The following ANTXR1 variants were observed in gnomAD, a reference collection of about 807,000 sequenced individuals.
The protein encoded by ANTXR1 is ANTXR cell adhesion molecule 1.
In ANTXR1, 19 loss-of-function variants were observed where a neutral mutation model predicts 78.1. That is an observed-to-expected ratio of 0.24 (90% CI 0.17 to 0.36). ANTXR1 has a LOEUF of 0.36. Ranked by LOEUF, ANTXR1 falls within the 10% of genes least tolerant of loss-of-function variation. The probability of loss-of-function intolerance (pLI) is 1.00; values close to 1 mark genes in which losing one functional copy is unlikely to be tolerated. For missense variants in ANTXR1, 518 were observed against 718.6 expected, an observed-to-expected ratio of 0.72 and a Z score of 3.19; for synonymous variants, 273 against 260.5, an observed-to-expected ratio of 1.05 and a Z score of -0.46.
At chr2:69,088,824 C>T (rs1671136951) in intron 8 of ANTXR1, among the ~76,000 whole-genome samples, 2 of 152,212 alleles carry the variant, frequency 1.3e-5, no homozygotes, top group Admixed American at 1.3e-4. Context: ...CCTTGGGGTC[C>T]TTGTTCCCAA....
In ANTXR1 at chr2:69,236,404, A is replaced by G. The variant is rs1390389603; in HGVS notation, c.1435-8821A>G. The stretch of plus-strand genomic sequence containing the variant: ...CACACATTTTAAAAACTTTCATCTC[A>G]CAAATAATAAGACAGTGAACAGGGA... On this transcript the variant is annotated intron_variant, in intron 17 of 17. Coordinates refer to ENST00000303714, the MANE Select transcript of ANTXR1 (RefSeq NM_032208.3). Among the ~76,000 whole-genome samples the G allele has an allele frequency of 3.3e-5, 5 of 152,194 alleles. No individual in the cohort carries two copies. In the East Asian group the frequency reaches 7.7e-4, roughly 23 times the overall value.
At chr2:69,181,194 G>C (rs1223974796) in intron 14 of ANTXR1, among the ~76,000 whole-genome samples, 1 of 152,182 alleles carries the variant, frequency 6.6e-6, no homozygotes, top group Non-Finnish European at 1.5e-5. Context: ...GCAAGTGCAT[G>C]GGGGCTTGGG....
chr2:69,210,310 C>G (rs1347598150), intron 17 of ANTXR1, among the ~76,000 whole-genome samples: 5 of 152,188 alleles, frequency 3.3e-5, no homozygotes, highest in Non-Finnish European at 5.9e-5. Context: ...CTTTGTTTTG[C>G]TTTGTTAATT....
At chr2:69,021,985 G>A (rs150617658) in intron 1 of ANTXR1, among the ~76,000 whole-genome samples, 1 of 152,216 alleles carries the variant, frequency 6.6e-6, no homozygotes, top group African/African-American at 2.4e-5. Context: ...GAAATATTCA[G>A]TGAGGTGGGC....
intron 17 of ANTXR1, among the ~76,000 whole-genome samples, chr2:69,234,094 T>C (rs751264800): frequency 1.3e-5 from 2 of 152,360 alleles, no homozygotes; most frequent in Non-Finnish European, 2.9e-5. Flanking sequence ...TTCTAAGTTA[T>C]TGTTTGGAAG....
In ANTXR1 at chr2:69,065,865, TA is replaced by T. The variant is rs565148637; in HGVS notation, c.297-4780del. Among the ~76,000 whole-genome samples, 679 of 152,366 alleles carry T rather than the reference TA, an allele frequency of 4.5e-3. 6 individuals are homozygous for T. The highest frequency in any genetic ancestry group is 7.2e-3 in the Non-Finnish European group (489 of 68,038). On this transcript the variant is annotated intron_variant, in intron 3 of 17. Coordinates refer to ENST00000303714, the MANE Select transcript of ANTXR1 (RefSeq NM_032208.3). ...TTCTTATAGTCAACAATTGGAGCCA[TA>T]AGGCCATCTGGGAATGTTCCAGGAG...
In ANTXR1 at chr2:69,185,680, C is replaced by T. The variant is rs112965408; in HGVS notation, c.1353+3020C>T. Among the ~76,000 whole-genome samples the T allele has an allele frequency of 8.7e-3, 1,325 of 152,268 alleles. 20 individuals carry two copies. The highest frequency in any genetic ancestry group is 0.041 in the Middle Eastern group (12 of 292). Reference sequence around the variant, plus strand: ...AGGCAAAGAGGCCATGATTGCACTGCGGTGATTTTTCAGGCATCTCAGCAA... The same window carrying T: ...AGGCAAAGAGGCCATGATTGCACTGTGGTGATTTTTCAGGCATCTCAGCAA... On this transcript the variant is annotated intron_variant, in intron 16 of 17. Coordinates refer to ENST00000303714, the MANE Select transcript of ANTXR1 (RefSeq NM_032208.3).
At chr2:69,213,376 A>G (rs1448103767) in intron 17 of ANTXR1, among the ~76,000 whole-genome samples, 1 of 152,190 alleles carries the variant, frequency 6.6e-6, no homozygotes, top group Non-Finnish European at 1.5e-5. Context: ...GAGATGGGAG[A>G]CACAAGAAAC....
rs1297427924 is a variant in ANTXR1 at position 69,146,108 on chromosome 2, G to A, written c.952-6061G>A. 4.1e-6 allele frequency: 4 copies of A among 985,364 alleles called. No homozygotes were observed. The Admixed American group carries it at 2.5e-4, about 61-fold the overall frequency. The allele number at this position is 985,364 out of a possible 1,614,324, so 61.0% of individuals were successfully genotyped here. ...TGACACATGCCCGAATGAAGGAGCGGGGCTGAGCTTGTCCTGCCTTCGTAT... is the reference window on the plus strand; with the variant it reads ...TGACACATGCCCGAATGAAGGAGCGAGGCTGAGCTTGTCCTGCCTTCGTAT... On this transcript the variant is annotated intron_variant, in intron 12 of 17. Coordinates refer to ENST00000303714, the MANE Select transcript of ANTXR1 (RefSeq NM_032208.3).
chr2:69,203,615 C>G (rs1391597517), intron 17 of ANTXR1, among the ~76,000 whole-genome samples: 1 of 152,100 alleles, frequency 6.6e-6, no homozygotes, highest in Non-Finnish European at 1.5e-5. Flanking sequence ...AAAGCAATTG[C>G]TATGGTTGAG....
chr2:69,195,413 G>A (rs1674647106), intron 17 of ANTXR1, among the ~76,000 whole-genome samples: 1 of 152,140 alleles, frequency 6.6e-6, no homozygotes, highest in African/African-American at 2.4e-5. Context: ...GACAGTGGGT[G>A]GTTTGTAGCT....
intron 12 of ANTXR1, among the ~76,000 whole-genome samples, chr2:69,132,238 T>G (rs1023307423): frequency 6.6e-6 from 1 of 152,242 alleles, no homozygotes; most frequent in Non-Finnish European, 1.5e-5. Flanking sequence ...CACAGTCTGC[T>G]TTAGTGAGTA....
chr2:69,076,039 A>G lies in ANTXR1; in HGVS notation c.561+381A>G, dbSNP rs544836466. 2.0e-5 allele frequency among the ~76,000 whole-genome samples: 3 copies of G among 152,258 alleles called. No homozygotes were observed. In the South Asian group the frequency reaches 6.2e-4, roughly 32 times the overall value. On this transcript the variant is annotated intron_variant, in intron 7 of 17. Transcript: ENST00000303714. ...CAGCCCACTGCAGCGTCTGCCTCCC[A>G]GGCTTAAGTGATCCTCCCGCCTCAG...
At chr2:69,134,795 G>A (rs1269919977) in intron 12 of ANTXR1, among the ~76,000 whole-genome samples, 9 of 152,116 alleles carry the variant, frequency 5.9e-5, no homozygotes, top group Non-Finnish European at 1.3e-4. Context: ...TCAGACCAGA[G>A]TACTTCAAAC....
At chr2:69,150,537 A>G (rs971904680) in intron 12 of ANTXR1, among the ~76,000 whole-genome samples, 13 of 152,216 alleles carry the variant, frequency 8.5e-5, no homozygotes, top group African/African-American at 3.1e-4. Context: ...AAGAAAATAG[A>G]TTTTAAAAGG....
At chr2:69,185,991 A>G (rs1674407293) in intron 16 of ANTXR1, among the ~76,000 whole-genome samples, 1 of 152,164 alleles carries the variant, frequency 6.6e-6, no homozygotes, top group Non-Finnish European at 1.5e-5. Flanking sequence ...GTGATTACTC[A>G]TGTTTATGAG....
At chr2:69,077,540 G>A in intron 8 of ANTXR1, 52 bp downstream of exon 8, 1 of 1,578,120 alleles carries the variant, frequency 6.3e-7, no homozygotes, top group Non-Finnish European at 8.7e-7. Context: ...TTCCGTCTCT[G>A]ATCTGCTATT....
chr2:69,031,468 G>C (rs921963521), intron 1 of ANTXR1, among the ~76,000 whole-genome samples: 1 of 152,188 alleles, frequency 6.6e-6, no homozygotes, highest in Admixed American at 6.5e-5. Context: ...AGTGAAATCA[G>C]TTTGTCCTTC....
chr2:69,206,702 C>T (rs1415929384), intron 17 of ANTXR1, among the ~76,000 whole-genome samples: 2 of 152,138 alleles, frequency 1.3e-5, no homozygotes, highest in African/African-American at 2.4e-5. Flanking sequence ...GCTGAGGCCA[C>T]CCTCTGTGCT....
Sources: allele counts gnomAD v4.1 joint callset (sites outside exome capture counted in the v4.1 genomes callset), GRCh38; gene constraint gnomAD v4.1.1; transcripts MANE v1.5; gene names NCBI Gene and HGNC (gene_info 2026-07-23, HGNC 2026-07-21).